Variants in MAX observed in about 807,000 individuals in gnomAD.
MAX encodes the protein MYC associated transcriptional regulator X.
A neutral mutation model predicts 22.3 loss-of-function variants in MAX; 3 were observed. That is an observed-to-expected ratio of 0.13 (90% CI 0.06 to 0.35). The LOEUF is 0.35. Among genes scored for constraint, MAX ranks in the 10% least tolerant of loss-of-function variants. The probability of loss-of-function intolerance (pLI) is 1.00; values close to 1 mark genes in which losing one functional copy is unlikely to be tolerated. For synonymous variants in MAX, 72 were observed against 77.7 expected (o/e 0.93, Z 0.39); for missense variants, 119 against 209.4 (o/e 0.57, Z 2.66).
chr14:65,067,050 G>A (rs1193301291), intron 3 of MAX, among the ~76,000 whole-genome samples: 1 of 151,394 alleles, frequency 6.6e-6, no homozygotes, highest in African/African-American at 2.4e-5. Context: ...GTCGGATGCG[G>A]TGGCACACAC....
downstream of MAX, among the ~76,000 whole-genome samples, chr14:65,074,262 T>C (rs953473671): frequency 2.0e-5 from 3 of 152,242 alleles, no homozygotes; most frequent in African/African-American, 7.2e-5. Flanking sequence ...TCTTCCTTAC[T>C]GCAGTTTCTT....
chr14:65,009,890 C>G lies in MAX; in HGVS notation c.172-3606G>C, dbSNP rs1170116016. Among the ~76,000 whole-genome samples, 1 of 152,172 alleles carries G rather than the reference C, an allele frequency of 6.6e-6. No homozygotes were observed. The highest frequency in any genetic ancestry group is 1.5e-5 in the Non-Finnish European group (1 of 68,034). ...GACAGGGCTCTGCTTGTCATTTTCA[C>G]ATGTGTGTCCACCTCTGGACTGTCG... On this transcript the variant is annotated intron_variant, in intron 3 of 3. Transcript: ENST00000341653. The surrounding 1 kb of genome is among the most constrained non-coding windows in gnomAD (Gnocchi z 4.2).
At chr14:65,096,825 A>T (rs1489479218) in intron 2 of MAX, among the ~76,000 whole-genome samples, 1 of 152,298 alleles carries the variant, frequency 6.6e-6, no homozygotes, top group Non-Finnish European at 1.5e-5. Context: ...CCCCTTGTGG[A>T]ATTAATTAGG....
At chr14:65,048,157 A>G (rs929870600) in intron 3 of MAX, among the ~76,000 whole-genome samples, 1 of 151,536 alleles carries the variant, frequency 6.6e-6, no homozygotes, top group Non-Finnish European at 1.5e-5. Context: ...AATGTTTTCT[A>G]TTTTTAGTAG....
intron 1 of MAX, among the ~76,000 whole-genome samples, chr14:65,102,092 T>C (rs1415058148): frequency 2.0e-5 from 3 of 152,020 alleles, no homozygotes; most frequent in African/African-American, 7.2e-5. Flanking sequence ...AGAAGCCGCG[T>C]GTCTTCCCCC....
chr14:65,051,480 G>A (rs2062608643), intron 3 of MAX, among the ~76,000 whole-genome samples: 1 of 151,888 alleles, frequency 6.6e-6, no homozygotes. Flanking sequence ...GCATGGTGGT[G>A]CATGCCTGTA....
rs2063417759 is a variant in MAX, at chr14:65,088,891, A to G, written c.171+4817T>C. ...TGCTATGAGAGCCTTTATCCTTAAG[A>G]ATCATGTTCCCTGCCATAAGGGAAC... On this transcript the variant is annotated intron_variant, in intron 3 of 4. Coordinates refer to ENST00000358664, the MANE Select transcript of MAX (RefSeq NM_002382.5). This position sits in a 1 kb window ranked among gnomAD's most constrained non-coding sequence, Gnocchi z 5.2. Among the ~76,000 whole-genome samples, 2 of 152,230 alleles carry G rather than the reference A, an allele frequency of 1.3e-5. No individual in the cohort carries two copies. Among genetic ancestry groups the G allele is most frequent in the Non-Finnish European group, 2.9e-5 (2 of 68,028 alleles).
intron 3 of MAX, chr14:65,015,444 T>A (rs2061754420): frequency 6.3e-6 from 2 of 318,288 alleles, no homozygotes; most frequent in East Asian, 4.7e-5. Context: ...TAACAGATGG[T>A]CATTTCAGCT....
intron 3 of MAX, among the ~76,000 whole-genome samples, chr14:65,020,733 C>CTT (rs71123901): frequency 0.23 from 28,485 of 123,202 alleles, 3,861 homozygotes; most frequent in Non-Finnish European, 0.29. Flanking sequence ...CGCGCCCGGC[C>CTT]TTTTTTTTTT....
intron 3 of MAX, chr14:65,053,153 A>G (rs901368592): frequency 3.7e-5 from 40 of 1,089,694 alleles, no homozygotes; most frequent in African/African-American, 3.1e-4. Flanking sequence ...AACCTTGACT[A>G]TTCCCCCAGG....
upstream of MAX, chr14:65,102,683 C>A (rs2063886441): frequency 1.4e-6 from 1 of 716,714 alleles, no homozygotes. Flanking sequence ...CCAGGCGACG[C>A]CAGCCCGGCT....
Position 65,080,108 on chromosome 14 carries a change from T to C in MAX, c.172-2072A>G, listed in dbSNP as rs1258310293. On this transcript the variant is annotated intron_variant, in intron 3 of 4. Coordinates refer to ENST00000358664, the MANE Select transcript of MAX (RefSeq NM_002382.5). The stretch of plus-strand genomic sequence containing the variant: ...GAGACTAGAGACACCACGGGAAAGA[T>C]GGCTTCTGGCTGGGGTGATTACCTA... Among the ~76,000 whole-genome samples the C allele has an allele frequency of 9.2e-5, 14 of 152,316 alleles. No homozygotes were observed. The East Asian group carries it at 2.7e-3, about 29-fold the overall frequency.
chr14:65,081,073 C>T (rs371829014), intron 3 of MAX, among the ~76,000 whole-genome samples: 1 of 152,176 alleles, frequency 6.6e-6, no homozygotes, highest in Admixed American at 6.5e-5. Flanking sequence ...TTGGGAACAA[C>T]AGGAGTCCAA....
chr14:65,044,807 A>C lies in MAX; in HGVS notation c.172-38523T>G, dbSNP rs1595083270. ...CTCTGGGTGCAGGGCAGAGCTGAAA[A>C]CCCTCAGTGTTGCAACAGTCACTGT... On this transcript the variant is annotated intron_variant, in intron 3 of 3. Transcript: ENST00000341653. The surrounding 1 kb of genome is among the most constrained non-coding windows in gnomAD (Gnocchi z 5.5). 1.0e-5 allele frequency: 2 copies of C among 193,248 alleles called. No individual in the cohort carries two copies. The highest frequency in any genetic ancestry group is 2.1e-5 in the Non-Finnish European group (2 of 95,636). 12.0% of individuals were successfully genotyped at this position (193,248 alleles called of 1,614,324 possible).
Position 65,012,479 on chromosome 14 carries a change from G to T in MAX, c.172-6195C>A, listed in dbSNP as rs1050900604. 1.3e-6 allele frequency: 2 copies of T among 1,533,714 alleles called. No individual in the cohort carries two copies. Among genetic ancestry groups the T allele is most frequent in the East Asian group, 4.7e-5 (2 of 42,522 alleles). On this transcript the variant is annotated intron_variant, in intron 3 of 3. Coordinates refer to the MAX transcript ENST00000341653. This position sits in a 1 kb window ranked among gnomAD's most constrained non-coding sequence, Gnocchi z 5.0. ...TTAAACGTAAAAGACTGTTGGGGCT[G>T]ACCTGTTGCAGAGTCACTCTTTGTT...
chr14:65,101,727 C>G, intron 1 of MAX, 155 bp from the exon 2 acceptor site: 1 of 659,416 alleles, frequency 1.5e-6, no homozygotes, highest in East Asian at 2.7e-5. Flanking sequence ...TGCCCCCACC[C>G]TTCCACCCTC....
rs1020653668 is a variant in MAX at position 65,102,377 on chromosome 14, G to A, written c.-38C>T. 1 of 1,610,558 alleles carries A rather than the reference G, an allele frequency of 6.2e-7. No individual in the cohort carries two copies. Among genetic ancestry groups the A allele is most frequent in the Non-Finnish European group, 8.5e-7 (1 of 1,178,510 alleles). ...AGGGAGCGGCCACTGCAGCGGCGGCGGGGAGGGGAAGGGGTGAAGGGGAGG... is the reference window on the plus strand; with the variant it reads ...AGGGAGCGGCCACTGCAGCGGCGGCAGGGAGGGGAAGGGGTGAAGGGGAGG... On this transcript the variant is annotated 5_prime_UTR_variant, in exon 1 of 5. Coordinates refer to ENST00000358664, the MANE Select transcript of MAX (RefSeq NM_002382.5).
At chr14:65,024,428 A>C (rs969110072) in intron 3 of MAX, among the ~76,000 whole-genome samples, 5 of 152,172 alleles carry the variant, frequency 3.3e-5, no homozygotes, top group East Asian at 1.9e-4. Context: ...TTTGGTAAAA[A>C]TACAAAGGCC....
rs2062697464 is a variant in MAX at position 65,054,914 on chromosome 14, G to T, written c.171+38794C>A. Among the ~76,000 whole-genome samples the T allele has an allele frequency of 6.6e-6, 1 of 152,236 alleles. No homozygotes were observed. Among genetic ancestry groups the T allele is most frequent in the African/African-American group, 2.4e-5 (1 of 41,462 alleles). On this transcript the variant is annotated intron_variant, in intron 3 of 3. Coordinates refer to the MAX transcript ENST00000341653. The surrounding 1 kb of genome is among the most constrained non-coding windows in gnomAD (Gnocchi z 4.4). Reference sequence around the variant, plus strand: ...GATGGGCGGTCTGATCTGTCAAAGAGCTGTTGTGCCTTTATCCCAGGGCTG... The same window carrying T: ...GATGGGCGGTCTGATCTGTCAAAGATCTGTTGTGCCTTTATCCCAGGGCTG...
Sources: gnomAD v4.1 joint callset for allele counts (sites outside exome capture counted in the v4.1 genomes callset) on GRCh38, gnomAD v4.1.1 for gene constraint, Gnocchi (gnomAD v3.1) non-coding constraint, MANE v1.5 for transcripts, NCBI Gene and HGNC (gene_info 2026-07-23, HGNC 2026-07-21) for gene names.